The following PTPRT variants were observed in gnomAD, a reference collection of about 807,000 sequenced individuals.
The protein encoded by PTPRT is receptor-type tyrosine-protein phosphatase T.
Under a neutral mutation model 176.8 loss-of-function variants are expected in PTPRT, and 56 were observed. That is an observed-to-expected ratio of 0.32 (90% CI 0.26 to 0.40). The LOEUF (loss-of-function observed/expected upper bound fraction) is 0.40. Ranked by LOEUF, PTPRT falls within the 10% of genes least tolerant of loss-of-function variation. The pLI is 1.00. For missense variants in PTPRT, 1,540 were observed against 1,908.2 expected (o/e 0.81, Z 3.60); for synonymous variants, 783 against 739.0 (o/e 1.06, Z -0.96).
intron 17 of PTPRT, among the ~76,000 whole-genome samples, chr20:42,155,078 C>G (rs748030883): frequency 5.9e-5 from 9 of 152,298 alleles, no homozygotes; most frequent in Middle Eastern, 3.4e-3. Context: ...ATATTCACAT[C>G]AACCGGAGGG....
chr20:42,543,342 C>T lies in PTPRT; in HGVS notation c.1154-70780G>A, dbSNP rs113543193. 4.5e-3 allele frequency among the ~76,000 whole-genome samples: 684 copies of T among 152,266 alleles called. 5 individuals are homozygous for T. The highest frequency in any genetic ancestry group is 0.015 in the African/African-American group (627 of 41,560). On this transcript the variant is annotated intron_variant, in intron 7 of 30. Coordinates refer to ENST00000373187, the MANE Select transcript of PTPRT (RefSeq NM_007050.6). ...TTACCAGTGTTTACAGCATCTTCAT[C>T]AATAAAAGATTCCATCTCAAGAAAC...
At chr20:42,226,890 G>A (rs1254228502) in intron 15 of PTPRT, among the ~76,000 whole-genome samples, 2 of 152,104 alleles carry the variant, frequency 1.3e-5, no homozygotes, top group African/African-American at 4.8e-5. Context: ...ACAAGCACAG[G>A]TGAACAGCAA....
intron 1 of PTPRT, among the ~76,000 whole-genome samples, chr20:43,085,797 T>G (rs2146296844): frequency 6.6e-6 from 1 of 152,328 alleles, no homozygotes; most frequent in Admixed American, 6.5e-5. Flanking sequence ...AGATGAGATT[T>G]GGGTGGGAAT....
intron 1 of PTPRT, among the ~76,000 whole-genome samples, chr20:43,091,759 T>A (rs1016017905): frequency 3.9e-5 from 6 of 152,046 alleles, no homozygotes; most frequent in African/African-American, 1.5e-4. Flanking sequence ...AGCCCCAAGA[T>A]GATGATGAGC....
At chr20:42,861,189 C>T (rs1198610084) in intron 2 of PTPRT, among the ~76,000 whole-genome samples, 1 of 152,202 alleles carries the variant, frequency 6.6e-6, no homozygotes, top group Non-Finnish European at 1.5e-5. Context: ...AGCACCATTT[C>T]TATTTCCTAC....
At chr20:42,790,405 A>ATTT (rs11475849) in intron 3 of PTPRT, among the ~76,000 whole-genome samples, 85 of 147,656 alleles carry the variant, frequency 5.8e-4, no homozygotes, top group Non-Finnish European at 8.5e-4. Flanking sequence ...CATTGCCATG[A>ATTT]TTTTTTTTTT....
chr20:42,893,959 T>C (rs563964541), intron 1 of PTPRT, among the ~76,000 whole-genome samples: 12 of 151,884 alleles, frequency 7.9e-5, no homozygotes, highest in Admixed American at 2.0e-4. Context: ...TATGTATACA[T>C]ATGTAACAAA....
chr20:42,571,598 C>A lies in PTPRT; in HGVS notation c.1154-99036G>T, dbSNP rs149493459. Among the ~76,000 whole-genome samples, 12 of 152,192 alleles carry A rather than the reference C, an allele frequency of 7.9e-5. No individual in the cohort carries two copies. In the East Asian group the frequency reaches 1.2e-3, roughly 15 times the overall value. On this transcript the variant is annotated intron_variant, in intron 7 of 30. Transcript: ENST00000373187. Reference sequence around the variant, plus strand: ...GTGCCCTTGTGAATGAAACTGTTCACGTAGTTCAGATTTCTATTACAACAG... The same window carrying A: ...GTGCCCTTGTGAATGAAACTGTTCAAGTAGTTCAGATTTCTATTACAACAG...
intron 7 of PTPRT, among the ~76,000 whole-genome samples, chr20:42,547,400 GA>G (rs142996956): frequency 0.016 from 2,479 of 151,234 alleles, 70 homozygotes; most frequent in African/African-American, 0.053. Context: ...ACTGTAAAAT[GA>G]AAAAAAAATA....
chr20:42,761,434 C>CAA (rs200687081), intron 5 of PTPRT, among the ~76,000 whole-genome samples: 7 of 137,670 alleles, frequency 5.1e-5, no homozygotes, highest in African/African-American at 7.9e-5. Flanking sequence ...AATTCCATCT[C>CAA]AAAAAAAAAA....
At chr20:42,827,018 A>G (rs1369707119) in intron 2 of PTPRT, among the ~76,000 whole-genome samples, 1 of 152,214 alleles carries the variant, frequency 6.6e-6, no homozygotes, top group African/African-American at 2.4e-5. Context: ...ACCTAACCCT[A>G]AATATATACA....
intron 11 of PTPRT, among the ~76,000 whole-genome samples, chr20:42,332,813 A>G (rs2057986216): frequency 6.6e-6 from 1 of 152,226 alleles, no homozygotes; most frequent in Non-Finnish European, 1.5e-5. Flanking sequence ...TAATGATGAA[A>G]TTGGTGGTGA....
chr20:42,696,891 A>T (rs1436791457), intron 6 of PTPRT, among the ~76,000 whole-genome samples: 1 of 152,170 alleles, frequency 6.6e-6, no homozygotes, highest in East Asian at 1.9e-4. Flanking sequence ...GAGTGACTCC[A>T]GCCAGAACCA....
At chr20:42,842,555 G>A (rs1228551468) in intron 2 of PTPRT, among the ~76,000 whole-genome samples, 1 of 151,964 alleles carries the variant, frequency 6.6e-6, no homozygotes, top group Non-Finnish European at 1.5e-5. Context: ...GAGTAGCTGG[G>A]ATTACAGAAG....
intron 1 of PTPRT, among the ~76,000 whole-genome samples, chr20:42,936,364 G>C (rs1980191016): frequency 6.6e-6 from 1 of 152,200 alleles, no homozygotes; most frequent in Non-Finnish European, 1.5e-5. Flanking sequence ...AAGGGTCTTG[G>C]GACAGGAGAA....
At chr20:42,525,639 T>C (rs1242829598) in intron 7 of PTPRT, among the ~76,000 whole-genome samples, 1 of 152,030 alleles carries the variant, frequency 6.6e-6, no homozygotes, top group African/African-American at 2.4e-5. Context: ...ATATTGGCCA[T>C]AGTGAAAGTA....
At chr20:42,407,290 G>C (rs2058970675) in intron 9 of PTPRT, among the ~76,000 whole-genome samples, 1 of 152,150 alleles carries the variant, frequency 6.6e-6, no homozygotes, top group Admixed American at 6.5e-5. Flanking sequence ...TGATAACACA[G>C]TTTGAACCCT....
intron 6 of PTPRT, among the ~76,000 whole-genome samples, chr20:42,691,492 C>G (rs191380618): frequency 6.6e-6 from 1 of 152,282 alleles, no homozygotes; most frequent in African/African-American, 2.4e-5. Context: ...GAAGTATCGA[C>G]TGCTCTGAAG....
At chr20:42,301,078 A>G (rs2057461276) in intron 12 of PTPRT, among the ~76,000 whole-genome samples, 1 of 152,184 alleles carries the variant, frequency 6.6e-6, no homozygotes, top group South Asian at 2.1e-4. Context: ...TTTGAAGAAG[A>G]TTTTACATAG....
Sources: allele counts gnomAD v4.1 joint callset (sites outside exome capture counted in the v4.1 genomes callset), GRCh38; gene constraint gnomAD v4.1.1; transcripts MANE v1.5; gene names NCBI Gene and HGNC (gene_info 2026-07-23, HGNC 2026-07-21).